Variants in CARD14 observed in about 807,000 individuals in gnomAD.
CARD14 encodes the protein caspase recruitment domain family member 14, also known as caspase recruitment domain-containing protein 14.
CARD14 carries 107 observed loss-of-function variants against 111.5 expected under a neutral mutation model. The observed-to-expected ratio is 0.96, with a 90% CI of 0.82 to 1.13. CARD14 has a LOEUF of 1.13. Among genes scored for constraint, CARD14 ranks in the 50% most tolerant of loss-of-function variants. CARD14 has a pLI of 0.00. For missense variants in CARD14, 1,322 were observed against 1,362.3 expected (o/e 0.97, Z 0.47); for synonymous variants, 617 against 579.6 (o/e 1.06, Z -0.93).
chr17:80,190,896 C>T lies in CARD14; in HGVS notation c.1086C>T (p.Asp362=), dbSNP rs1158639925. 2 of 1,613,494 alleles carry T rather than the reference C, an allele frequency of 1.2e-6. No individual in the cohort carries two copies. The highest frequency in any genetic ancestry group is 2.2e-5 in the East Asian group (1 of 44,848). Residue 362 remains aspartate, a synonymous_variant, in exon 10 of 24, where the codon GAC becomes GAT. Transcript: ENST00000648509. The stretch of plus-strand genomic sequence containing the variant: ...TGTGCGAGCTGCAGAAGGAGCGAGA[C>T]CAGGTACCTGAGAGGCCGGGCCCAC... ...AQVCELQKER[D]QAYSARDSAQ... is the part of the protein sequence containing the mutation.
At chr17:80,206,366 C>T (rs1484871731) in intron 22 of CARD14, among the ~76,000 whole-genome samples, 1 of 152,220 alleles carries the variant, frequency 6.6e-6, no homozygotes, top group Non-Finnish European at 1.5e-5. Context: ...GTAATCCCCA[C>T]ACTTTGGGAG....
chr17:80,190,856 C>T lies in CARD14; in HGVS notation c.1046C>T (p.Ala349Val), dbSNP rs770212092. ...CAACTCTACAGGGAGAAGGTGAATGCGCTGCAGGCCCAGGTGTGCGAGCTG... is the reference window on the plus strand; with the variant it reads ...CAACTCTACAGGGAGAAGGTGAATGTGCTGCAGGCCCAGGTGTGCGAGCTG... ...ACQLYREKVN[A>V]LQAQVCELQK... The change falls in exon 10 of 24, where the codon GCG becomes GTG. Residue 349 changes from alanine to valine, a missense_variant. Transcript: ENST00000648509. 4.5e-5 allele frequency: 72 copies of T among 1,613,902 alleles called. No homozygotes were observed. Among genetic ancestry groups the T allele is most frequent in the Middle Eastern group, 1.6e-4 (1 of 6,084 alleles).
Position 80,198,534 on chromosome 17 carries a change from C to T in CARD14, c.1794C>T (p.Val598=), listed in dbSNP as rs754333198. Residue 598 remains valine, a synonymous_variant, in exon 16 of 24, where the codon GTC becomes GTT. Coordinates refer to ENST00000648509, the MANE Select transcript of CARD14 (RefSeq NM_001366385.1). This position sits in a 1 kb window ranked among gnomAD's most constrained non-coding sequence, Gnocchi z 7.5. ...TCACGGGCATCTTCATCCACCGGGT[C>T]ACCCCGGGCTCGGCGGCGGACCAGA... ...GNLTGIFIHR[V]TPGSAADQMA... is the part of the protein sequence containing the mutation. 6.2e-6 allele frequency: 10 copies of T among 1,613,268 alleles called. No homozygotes were observed. Among genetic ancestry groups the T allele is most frequent in the Admixed American group, 1.7e-5 (1 of 60,028 alleles).
chr17:80,194,569 A>G (rs1165174422), intron 12 of CARD14, among the ~76,000 whole-genome samples: 1 of 152,150 alleles, frequency 6.6e-6, no homozygotes, highest in Non-Finnish European at 1.5e-5. Context: ...CATACCTGAG[A>G]CTGGGTAATT....
chr17:80,175,703 C>T (rs1022912553), intron 2 of CARD14, among the ~76,000 whole-genome samples: 5 of 152,156 alleles, frequency 3.3e-5, no homozygotes, highest in East Asian at 1.9e-4. Context: ...AGAGGAACCC[C>T]GCTTGTGGTG....
At chr17:80,192,410 T>G in intron 11 of CARD14, 93 bp from the exon 12 acceptor site, 2 of 819,620 alleles carry the variant, frequency 2.4e-6, no homozygotes, top group Non-Finnish European at 4.0e-6. Context: ...CTGGGGAGGG[T>G]GAAATGGGTG....
At chr17:80,171,205 CCCTT>C (rs59738447) in intron 1 of CARD14, among the ~76,000 whole-genome samples, 438 of 41,098 alleles carry the variant, frequency 0.011, 17 homozygotes, top group Middle Eastern at 0.071. Flanking sequence ...CTCCCTCCCT[CCCTT>C]CCTTCCTTCC....
rs1482414658 is a variant in CARD14, at chr17:80,195,267, C to T, written c.1433C>T (p.Pro478Leu). 3.1e-6 allele frequency: 5 copies of T among 1,612,760 alleles called. No homozygotes were observed. The South Asian group carries it at 3.3e-5, about 11-fold the overall frequency. The change falls in exon 13 of 24, where the codon CCC becomes CTC. Residue 478 changes from proline to leucine, a missense_variant. Coordinates refer to ENST00000648509, the MANE Select transcript of CARD14 (RefSeq NM_001366385.1). The surrounding 1 kb of genome is among the most constrained non-coding windows in gnomAD (Gnocchi z 4.7). ...AGCTTCCGCTCCAGCAGCCCCGCGC[C>T]CCCCAGCCAGCAGTCCCTGTACAAG... is the stretch of plus-strand genomic sequence containing the variant. Reference protein sequence around the residue: ...VDSFRSSSPAPPSQQSLYKRV... With the variant: ...VDSFRSSSPALPSQQSLYKRV...
At position 80,207,886 on chromosome 17, in the gene CARD14, A is replaced by G. The variant is rs7210317; in HGVS notation, c.2808-252A>G. On this transcript the variant is annotated intron_variant, in intron 23 of 23. Coordinates refer to ENST00000648509, the MANE Select transcript of CARD14 (RefSeq NM_001366385.1). ...GGACAAAAAAAAAAAAAGTAAAAAA[A>G]TTACTTGGTTTCCTGGGGACAGACC... 0.48 allele frequency among the ~76,000 whole-genome samples: 73,010 copies of G among 151,530 alleles called. 18,800 individuals carry two copies. The highest frequency in any genetic ancestry group is 0.58 in the Non-Finnish European group (39,577 of 67,844).
Position 80,203,594 on chromosome 17 carries a change from GC to G in CARD14, c.2220-227del, listed in dbSNP as rs2041109214. 2.1e-6 allele frequency: 1 copy of G among 480,508 alleles called. No homozygotes were observed. The highest frequency in any genetic ancestry group is 3.7e-6 in the Non-Finnish European group (1 of 272,052). The allele number at this position is 480,508 out of a possible 1,614,324, so 29.8% of individuals were successfully genotyped here. A position where few individuals can be genotyped will look rare whatever the true frequency, so the allele number is the denominator to read the frequency against. On this transcript the variant is annotated intron_variant, in intron 18 of 23. Transcript: ENST00000648509. The surrounding 1 kb of genome is among the most constrained non-coding windows in gnomAD (Gnocchi z 4.6). ...GTCCCGCCCCAGGACAAGTAAATCA[GC>G]ATCTCCAGGGGTGGGCCGAGGCCCT... is the stretch of plus-strand genomic sequence containing the variant.
At position 80,209,226 on chromosome 17, in the gene CARD14, G is replaced by T; in HGVS notation, c.*881G>T. 2.5e-6 allele frequency: 2 copies of T among 806,822 alleles called. No homozygotes were observed. The highest frequency in any genetic ancestry group is 3.0e-6 in the Non-Finnish European group (2 of 666,778). The allele number at this position is 806,822 out of a possible 1,614,324, so 50.0% of individuals were successfully genotyped here. A position where few individuals can be genotyped will look rare whatever the true frequency, so the allele number is the denominator to read the frequency against. ...GACTGAATGTCATTTTGACAGCAGT[G>T]TCCAAGAATCAGGAAGCTGTTCTAG... On this transcript the variant is annotated 3_prime_UTR_variant, in exon 24 of 24. Transcript: ENST00000648509.
intron 7 of CARD14, among the ~76,000 whole-genome samples, chr17:80,186,703 C>T (rs1262541320): frequency 2.6e-5 from 4 of 152,150 alleles, no homozygotes; most frequent in Admixed American, 6.5e-5. Flanking sequence ...CGCGCACCAC[C>T]ACACCTGGCT....
chr17:80,176,650 C>T (rs2040033517), intron 2 of CARD14, among the ~76,000 whole-genome samples: 1 of 152,210 alleles, frequency 6.6e-6, no homozygotes, highest in African/African-American at 2.4e-5. Flanking sequence ...CTCGGTGATG[C>T]AGGGCAGGGC....
intron 2 of CARD14, among the ~76,000 whole-genome samples, chr17:80,175,959 T>TG (rs2040015452): frequency 6.4e-5 from 1 of 15,622 alleles, no homozygotes; most frequent in Non-Finnish European, 1.6e-4. Flanking sequence ...ATCGTTTTTT[T>TG]TTTTTTTTTT....
chr17:80,191,634 G>A (rs563908407), intron 11 of CARD14, among the ~76,000 whole-genome samples, 162 bp downstream of exon 11: 109 of 152,368 alleles, frequency 7.2e-4, no homozygotes, highest in African/African-American at 2.5e-3. Context: ...GTGTCACTGT[G>A]ATGAGCGACA....
chr17:80,195,513 G>T lies in CARD14; in HGVS notation c.1500-45G>T. 1.3e-6 allele frequency: 2 copies of T among 1,570,528 alleles called. No individual in the cohort carries two copies. Among genetic ancestry groups the T allele is most frequent in the South Asian group, 2.3e-5 (2 of 87,588 alleles). ...TGCTTGGGGCGTGGGGACTCAGAGGGAGCAGGTGATGCAGTTTGAGCCTGC... is the reference window on the plus strand; with the variant it reads ...TGCTTGGGGCGTGGGGACTCAGAGGTAGCAGGTGATGCAGTTTGAGCCTGC... On this transcript the variant is annotated intron_variant, in intron 13 of 23. Coordinates refer to ENST00000648509, the MANE Select transcript of CARD14 (RefSeq NM_001366385.1). The surrounding 1 kb of genome is among the most constrained non-coding windows in gnomAD (Gnocchi z 4.7).
chr17:80,174,742 A>G (rs991217454), intron 2 of CARD14, among the ~76,000 whole-genome samples: 3 of 152,142 alleles, frequency 2.0e-5, no homozygotes, highest in Non-Finnish European at 4.4e-5. Context: ...CTCCTGGCTC[A>G]GTACAGCCCC....
rs1195644702 is a variant in CARD14 at position 80,209,120 on chromosome 17, T to C, written c.*775T>C. The C allele has an allele frequency of 1.7e-5, 3 of 178,620 alleles. No individual in the cohort carries two copies. Among genetic ancestry groups the C allele is most frequent in the Non-Finnish European group, 3.3e-5 (3 of 92,304 alleles). The allele number at this position is 178,620 out of a possible 1,614,324, so 11.1% of individuals were successfully genotyped here. On this transcript the variant is annotated 3_prime_UTR_variant, in exon 24 of 24. Coordinates refer to ENST00000648509, the MANE Select transcript of CARD14 (RefSeq NM_001366385.1). ...ACCCCAGCCCTTCTTGGGCCAAACA[T>C]CTTTACTCCACCTTCAGGGCTCGGG...
chr17:80,204,900 T>C, intron 20 of CARD14, 135 bp from the exon 21 acceptor site: 1 of 738,174 alleles, frequency 1.4e-6, no homozygotes, highest in Non-Finnish European at 2.1e-6. Context: ...CTGTGACCGC[T>C]GAGCCTGTGC....
Sources: allele counts gnomAD v4.1 joint callset (sites outside exome capture counted in the v4.1 genomes callset), GRCh38; gene constraint gnomAD v4.1.1; non-coding constraint Gnocchi (gnomAD v3.1); transcripts MANE v1.5; gene names NCBI Gene and HGNC (gene_info 2026-07-23, HGNC 2026-07-21).